ECT2L: variants seen among roughly 807,000 people sequenced by gnomAD.
ECT2L encodes the protein epithelial cell-transforming sequence 2 oncogene-like.
ECT2L carries 126 observed loss-of-function variants against 122.8 expected under a neutral mutation model. The ratio of observed to expected loss-of-function variants is 1.03; its 90% CI spans 0.89 to 1.19. The LOEUF (loss-of-function observed/expected upper bound fraction) is 1.19, where lower values mean the gene tolerates loss of function less well. Among genes scored for constraint, ECT2L ranks in the 50% most tolerant of loss-of-function variants. ECT2L has a pLI of 0.00. For synonymous variants in ECT2L, 385 were observed against 381.8 expected (o/e 1.01, Z -0.10); for missense variants, 1,012 against 1,064.1 (o/e 0.95, Z 0.68).
chr6:138,900,331 C>CT (rs1206422211), intron 20 of ECT2L, among the ~76,000 whole-genome samples: 1 of 152,092 alleles, frequency 6.6e-6, no homozygotes, highest in Non-Finnish European at 1.5e-5. Context: ...ATTCCAATCT[C>CT]TGACTCCCAG....
At position 138,881,104 on chromosome 6, in the gene ECT2L, G is replaced by A. The variant is rs766524469; in HGVS notation, c.1813G>A (p.Ala605Thr). Residue 605 changes from alanine (A) to threonine (T), a missense_variant, in exon 15 of 22, where the codon GCG becomes ACG. Coordinates refer to ENST00000541398, the MANE Select transcript of ECT2L (RefSeq NM_001077706.3). The part of the protein sequence containing the change: ...PLKAALSSNR[A>T]ILSAANIQII... ...GAAAGCAGCATTGTCATCAAACAGAGCGATTCTGAGTGCTGCCAATATCCA... is the reference window on the plus strand; with the variant it reads ...GAAAGCAGCATTGTCATCAAACAGAACGATTCTGAGTGCTGCCAATATCCA... 6.2e-7 allele frequency: 1 copy of A among 1,614,180 alleles called. No individual in the cohort carries two copies.
intron 20 of ECT2L, among the ~76,000 whole-genome samples, chr6:138,898,381 A>G (rs1298198241): frequency 6.6e-6 from 1 of 152,220 alleles, no homozygotes; most frequent in African/African-American, 2.4e-5. Context: ...CTGGGTGACC[A>G]CTATGTTTCC....
At chr6:138,828,394 T>A (rs1327652058) in intron 4 of ECT2L, among the ~76,000 whole-genome samples, 1 of 152,214 alleles carries the variant, frequency 6.6e-6, no homozygotes, top group Non-Finnish European at 1.5e-5. Context: ...TTTCCCACAG[T>A]CTGCATTTTG....
At chr6:138,883,003 T>TGAGG in intron 16 of ECT2L, 132 bp downstream of exon 16, 1 of 987,444 alleles carries the variant, frequency 1.0e-6, no homozygotes, top group Non-Finnish European at 1.5e-6. Context: ...CCATACTGTG[T>TGAGG]GATCTCTGAG....
At chr6:138,809,148 A>G (rs1174114286) in intron 1 of ECT2L, among the ~76,000 whole-genome samples, 1 of 152,242 alleles carries the variant, frequency 6.6e-6, no homozygotes, top group African/African-American at 2.4e-5. Flanking sequence ...TTATCATTTT[A>G]CCATTAGTGT....
chr6:138,829,957 G>A (rs1367441167), intron 4 of ECT2L, among the ~76,000 whole-genome samples: 1 of 152,004 alleles, frequency 6.6e-6, no homozygotes, highest in Non-Finnish European at 1.5e-5. Flanking sequence ...CTCCTGTCCT[G>A]AAGCGATCTG....
chr6:138,833,458 C>T (rs964489417), intron 4 of ECT2L, among the ~76,000 whole-genome samples: 20 of 152,158 alleles, frequency 1.3e-4, no homozygotes, highest in Non-Finnish European at 2.4e-4. Flanking sequence ...GTACGGCCAT[C>T]GGTATTTGTC....
chr6:138,834,241 T>C (rs1316669829), intron 4 of ECT2L, among the ~76,000 whole-genome samples: 2 of 152,242 alleles, frequency 1.3e-5, no homozygotes, highest in African/African-American at 4.8e-5. Flanking sequence ...GTTATTTCTC[T>C]TCACAGATTT....
At chr6:138,808,273 C>T (rs1196225063) in intron 1 of ECT2L, among the ~76,000 whole-genome samples, 2 of 152,050 alleles carry the variant, frequency 1.3e-5, no homozygotes, top group Admixed American at 1.3e-4. Flanking sequence ...GAGACAGGAT[C>T]TCATTTGGTT....
chr6:138,893,203 T>C (rs1339253560), intron 20 of ECT2L, among the ~76,000 whole-genome samples: 1 of 150,750 alleles, frequency 6.6e-6, no homozygotes, highest in East Asian at 1.9e-4. Context: ...TTGTTTTTTT[T>C]TCCCCACCTC....
At chr6:138,842,404 T>C (rs1404857466) in intron 5 of ECT2L, among the ~76,000 whole-genome samples, 4 of 151,798 alleles carry the variant, frequency 2.6e-5, no homozygotes, top group Non-Finnish European at 5.9e-5. Context: ...GAGGTTGTAG[T>C]GAGCTGAGAT....
chr6:138,879,724 G>A (rs940627676), intron 14 of ECT2L, among the ~76,000 whole-genome samples: 3 of 152,170 alleles, frequency 2.0e-5, no homozygotes, highest in African/African-American at 7.2e-5. Flanking sequence ...GGAGGCTGAG[G>A]TGGGTGGATC....
intron 1 of ECT2L, among the ~76,000 whole-genome samples, chr6:138,807,698 A>C (rs77026110): frequency 0.014 from 2,056 of 152,166 alleles, 41 homozygotes; most frequent in African/African-American, 0.048. Flanking sequence ...ATAATCATTT[A>C]TTATTTCTCA....
intron 10 of ECT2L, among the ~76,000 whole-genome samples, chr6:138,860,806 C>A (rs1260099826): frequency 6.7e-6 from 1 of 149,464 alleles, no homozygotes; most frequent in Non-Finnish European, 1.5e-5. Flanking sequence ...GTTTGCTGCA[C>A]TTATCAACCC....
chr6:138,847,128 G>A (rs1433060162), intron 8 of ECT2L, among the ~76,000 whole-genome samples: 2 of 151,198 alleles, frequency 1.3e-5, no homozygotes, highest in Non-Finnish European at 2.9e-5. Context: ...AAAATAGCCG[G>A]GTGTGGTGGT....
chr6:138,806,438 A>C (rs1200594854), intron 1 of ECT2L, among the ~76,000 whole-genome samples: 4 of 148,444 alleles, frequency 2.7e-5, no homozygotes, highest in Non-Finnish European at 3.0e-5. Context: ...ATTCTTTGAA[A>C]CTCTTTTACA....
chr6:138,805,861 C>A (rs527492441), intron 1 of ECT2L, among the ~76,000 whole-genome samples: 2 of 152,298 alleles, frequency 1.3e-5, no homozygotes, highest in South Asian at 4.1e-4. Context: ...AGTGGTAGTG[C>A]AGATTGATTC....
intron 4 of ECT2L, among the ~76,000 whole-genome samples, chr6:138,817,308 C>T (rs1776102492): frequency 6.6e-6 from 1 of 152,154 alleles, no homozygotes; most frequent in Non-Finnish European, 1.5e-5. Flanking sequence ...AGTGGAATTG[C>T]TGGGTCCAAT....
At chr6:138,889,365 C>A (rs563051223) in intron 20 of ECT2L, among the ~76,000 whole-genome samples, 13 of 152,002 alleles carry the variant, frequency 8.6e-5, no homozygotes, top group Middle Eastern at 6.8e-3. Context: ...CACTCACTGC[C>A]GCCCAGGCTG....
Sources: allele counts gnomAD v4.1 joint callset (sites outside exome capture counted in the v4.1 genomes callset), GRCh38; gene constraint gnomAD v4.1.1; transcripts MANE v1.5; gene names NCBI Gene and HGNC (gene_info 2026-07-23, HGNC 2026-07-21).